Variants in ZNF318 observed in about 807,000 individuals in gnomAD.
ZNF318 encodes the protein endocrine regulator.
ZNF318 carries 51 observed loss-of-function variants against 124.2 expected under a neutral mutation model. The ratio of observed to expected loss-of-function variants is 0.41; its 90% CI spans 0.33 to 0.52. The LOEUF (loss-of-function observed/expected upper bound fraction) is 0.52. Ranked by LOEUF, ZNF318 falls within the 20% of genes least tolerant of loss-of-function variation. The pLI, the probability that ZNF318 is intolerant of heterozygous loss-of-function variation, is 0.23. For missense variants in ZNF318, 2,815 were observed against 2,811.2 expected (o/e 1.00, Z -0.03); for synonymous variants, 1,090 against 1,040.7 (o/e 1.05, Z -0.91).
chr6:43,364,348 A>C (rs978493879), intron 2 of ZNF318: 4 of 286,058 alleles, frequency 1.4e-5, no homozygotes, highest in Non-Finnish European at 2.5e-5. Context: ...AAAAAAAAAA[A>C]AGACTGTTCT....
Position 43,337,437 on chromosome 6 carries a change from C to CAAA in ZNF318, c.6560_6561insTTT (p.Leu2187dup). ...CACCTGGCTCAGAGAGTGGAGAACA[C>CAAA]AGTTTATCTTTTTGAACTCCAGAGG... On this transcript the variant is annotated inframe_insertion, in exon 10 of 10. Transcript: ENST00000361428. 1 of 1,614,162 alleles carries CAAA rather than the reference C, an allele frequency of 6.2e-7. No homozygotes were observed. The highest frequency in any genetic ancestry group is 8.5e-7 in the Non-Finnish European group (1 of 1,180,036).
intron 6 of ZNF318, among the ~76,000 whole-genome samples, chr6:43,343,193 G>A (rs918388616): frequency 6.6e-6 from 1 of 152,176 alleles, no homozygotes; most frequent in Admixed American, 6.5e-5. Flanking sequence ...GGGAAGTGGA[G>A]AACAAGGATG....
At chr6:43,366,454 A>T (rs1779762427) in intron 1 of ZNF318, among the ~76,000 whole-genome samples, 1 of 152,086 alleles carries the variant, frequency 6.6e-6, no homozygotes, top group Admixed American at 6.5e-5. Flanking sequence ...TCAGATCTTT[A>T]TTCAAAAATC....
intron 2 of ZNF318, among the ~76,000 whole-genome samples, chr6:43,361,507 G>C (rs1779681928): frequency 6.6e-6 from 1 of 152,154 alleles, no homozygotes; most frequent in Non-Finnish European, 1.5e-5. Context: ...TGAGGTTACA[G>C]TGAACTATGA....
chr6:43,357,752 C>T lies in ZNF318; in HGVS notation c.562G>A (p.Asp188Asn), dbSNP rs763762919. Residue 188 changes from aspartate (D) to asparagine (N), a missense_variant, in exon 3 of 10, where the codon GAT becomes AAT. Around this residue, in one of 4 missense-constraint regions of ZNF318, gnomAD observed 1,377 missense variants for 1,353.5 expected, o/e 1.02. Coordinates refer to ENST00000361428, the MANE Select transcript of ZNF318 (RefSeq NM_014345.3). The stretch of plus-strand genomic sequence containing the variant: ...GAGCTTCGAGTGAAGACAGAATCAT[C>T]AGTCAGGTCATCCCTGAGGAAAAAG... The part of the protein sequence containing the change: ...LEDMDRDDLT[D>N]DSVFTRSSQC... 1 of 1,596,698 alleles carries T rather than the reference C, an allele frequency of 6.3e-7. No individual in the cohort carries two copies. Among genetic ancestry groups the T allele is most frequent in the East Asian group, 2.2e-5 (1 of 44,826 alleles).
intron 2 of ZNF318, among the ~76,000 whole-genome samples, chr6:43,358,414 A>ATTTTTTTTTTTTTTTTTTTTT (rs71547834): frequency 1.6e-5 from 2 of 124,782 alleles, no homozygotes; most frequent in Non-Finnish European, 3.3e-5. Flanking sequence ...CACCCGGCTA[A>ATTTTTTTTTTTTTTTTTTTTT]TTTTTTTTTT....
rs747294175 is a variant in ZNF318 at position 43,342,837 on chromosome 6, T to C, written c.3115A>G (p.Lys1039Glu). ...NNEKFRTKSPKPAESPQSATK... is the reference protein window; with the variant it reads ...NNEKFRTKSPEPAESPQSATK... ...GCTGACTGGGGGCTTTCGGCAGGCT[T>C]GGGGCTCTTAGTACGAAACTTCTCA... Residue 1039 changes from lysine (K) to glutamate (E), a missense_variant, in exon 7 of 10, where the codon AAG (lysine) becomes GAG (glutamate). By Grantham distance (56) the Lys-to-Glu change is moderately conservative. This residue lies in a region of ZNF318 where 1,377 missense variants were observed against 1,353.5 expected (regional missense o/e 1.02). Coordinates refer to ENST00000361428, the MANE Select transcript of ZNF318 (RefSeq NM_014345.3). 6.2e-7 allele frequency: 1 copy of C among 1,613,928 alleles called. No homozygotes were observed. The highest frequency in any genetic ancestry group is 8.5e-7 in the Non-Finnish European group (1 of 1,179,838).
chr6:43,367,898 G>A (rs1465487280), intron 1 of ZNF318, among the ~76,000 whole-genome samples: 2 of 152,198 alleles, frequency 1.3e-5, no homozygotes, highest in African/African-American at 4.8e-5. Flanking sequence ...GATGGCAGGC[G>A]CCTATAATCC....
chr6:43,352,181 C>CTGAGA (rs1562132274), intron 5 of ZNF318, among the ~76,000 whole-genome samples, 196 bp downstream of exon 5: 1 of 49,144 alleles, frequency 2.0e-5, no homozygotes, highest in Non-Finnish European at 3.9e-5. Flanking sequence ...TCATCATCAT[C>CTGAGA]ATCACCACCA....
chr6:43,357,542 T>G lies in ZNF318; in HGVS notation c.772A>C (p.Lys258Gln), dbSNP rs1310827255. The G allele has an allele frequency of 3.7e-6, 6 of 1,614,034 alleles. No individual in the cohort carries two copies. The highest frequency in any genetic ancestry group is 4.2e-6 in the Non-Finnish European group (5 of 1,180,042). ...RGTERNREKL[K>Q]GYSIRSEERS... ...TCTTCAGATCGTATGGAGTAGCCTT[T>G]GAGTTTTTCTCGATTCCGTTCTGTT... Residue 258 changes from lysine to glutamine, a missense_variant, in exon 3 of 10, where the codon AAA becomes CAA. Coordinates refer to ENST00000361428, the MANE Select transcript of ZNF318 (RefSeq NM_014345.3).
chr6:43,365,807 G>C (rs951216452), intron 1 of ZNF318, among the ~76,000 whole-genome samples: 5 of 152,160 alleles, frequency 3.3e-5, no homozygotes, highest in Non-Finnish European at 7.4e-5. Flanking sequence ...ACCCTGCAAA[G>C]TTGGGGTTCA....
intron 2 of ZNF318, chr6:43,364,092 G>A: frequency 1.7e-6 from 2 of 1,156,738 alleles, no homozygotes; most frequent in Non-Finnish European, 2.5e-6. Context: ...ACCTCAGCCA[G>A]GGGCTGCACT....
intron 5 of ZNF318, among the ~76,000 whole-genome samples, chr6:43,351,834 A>G (rs1779527648): frequency 6.6e-6 from 1 of 152,046 alleles, no homozygotes. Context: ...AAGATAGAGC[A>G]AGCGTATTAA....
At chr6:43,365,544 T>C in intron 1 of ZNF318, 104 bp from the exon 2 acceptor site, 2 of 1,213,680 alleles carry the variant, frequency 1.6e-6, no homozygotes, top group Non-Finnish European at 2.3e-6. Context: ...TGGTGGCTCA[T>C]GCCTGTATAC....
At chr6:43,342,940 A>G (rs1779391410) in intron 6 of ZNF318, 61 bp from the exon 7 acceptor site, 1 of 1,369,882 alleles carries the variant, frequency 7.3e-7, no homozygotes, top group Non-Finnish European at 1.0e-6. Context: ...GTCTTCTGTT[A>G]GAAATAGTAA....
chr6:43,353,553 T>C (rs916566310), intron 4 of ZNF318, among the ~76,000 whole-genome samples: 2 of 152,044 alleles, frequency 1.3e-5, no homozygotes, highest in African/African-American at 4.8e-5. Context: ...TTTTTGTATT[T>C]TTAGTAGAGA....
At position 43,357,203 on chromosome 6, in the gene ZNF318, C is replaced by T. The variant is rs1779620882; in HGVS notation, c.1111G>A (p.Glu371Lys). ...TTCTTGGGCATCACAGATACTTCCT[C>T]AGGCCGATGCAAAGAATATCCTGGC... The part of the protein sequence containing the change: ...SEPGYSLHRP[E>K]EVSVMPKKSI... The change falls in exon 3 of 10, where the codon GAG becomes AAG. Residue 371 changes from glutamate to lysine, a missense_variant. Physicochemically the swap from Glu to Lys is moderately conservative, Grantham distance 56 (BLOSUM62 1). Transcript: ENST00000361428. 1 of 1,614,074 alleles carries T rather than the reference C, an allele frequency of 6.2e-7. No homozygotes were observed. The highest frequency in any genetic ancestry group is 1.1e-5 in the South Asian group (1 of 91,086).
In ZNF318 at chr6:43,355,034, G is replaced by C. The variant is rs1562133517; in HGVS notation, c.2300C>G (p.Ser767Cys). 2.5e-6 allele frequency: 4 copies of C among 1,613,704 alleles called. No individual in the cohort carries two copies. Among genetic ancestry groups the C allele is most frequent in the Non-Finnish European group, 2.5e-6 (3 of 1,179,710 alleles). Reference protein sequence around the residue: ...ALSQFHMPRASQFAAARIPPN... With the variant: ...ALSQFHMPRACQFAAARIPPN... ...AGGTATCCGAGCTGCAGCAAACTGA[G>C]AGGCCCTTGGCATGTGAAACTGAGA... is the stretch of plus-strand genomic sequence containing the variant. The change falls in exon 4 of 10, where the codon TCT becomes TGT. Residue 767 changes from serine (S) to cysteine (C), a missense_variant. Ser to Cys is a moderately radical substitution (Grantham distance 112, BLOSUM62 -1). Coordinates refer to ENST00000361428, the MANE Select transcript of ZNF318 (RefSeq NM_014345.3).
intron 5 of ZNF318, among the ~76,000 whole-genome samples, chr6:43,350,781 T>C (rs977157630): frequency 1.3e-5 from 2 of 152,152 alleles, no homozygotes; most frequent in African/African-American, 4.8e-5. Flanking sequence ...GCCACTGCAC[T>C]TCAGCCTGGG....
Sources: gnomAD v4.1 joint callset for allele counts (sites outside exome capture counted in the v4.1 genomes callset) on GRCh38, gnomAD v4.1.1 for gene constraint, gnomAD v4.1.1 regional missense constraint, MANE v1.5 for transcripts, NCBI Gene and HGNC (gene_info 2026-07-23, HGNC 2026-07-21) for gene names.